The following ZNF367 variants were observed in gnomAD, a reference collection of about 807,000 sequenced individuals.
ZNF367 encodes the protein zinc finger protein 367.
ZNF367 carries 11 observed loss-of-function variants against 31.8 expected under a neutral mutation model. The observed-to-expected ratio is 0.35, with a 90% CI of 0.22 to 0.57. The LOEUF (loss-of-function observed/expected upper bound fraction) is 0.57, where lower values mean the gene tolerates loss of function less well. Among genes scored for constraint, ZNF367 ranks in the 20% least tolerant of loss-of-function variants. ZNF367 has a pLI of 0.85. For missense variants in ZNF367, 353 were observed against 484.1 expected (o/e 0.73, Z 2.54); for synonymous variants, 199 against 202.4 (o/e 0.98, Z 0.14).
Position 96,386,784 on chromosome 9 carries a change from T to C in ZNF367, c.*1453A>G, listed in dbSNP as rs1246700732. 4 of 152,182 alleles carry C rather than the reference T, an allele frequency of 2.6e-5. No individual in the cohort carries two copies. Among genetic ancestry groups the C allele is most frequent in the South Asian group, 2.1e-4 (1 of 4,832 alleles). The allele number at this position is 152,182 out of a possible 1,614,324, so 9.4% of individuals were successfully genotyped here. On this transcript the variant is annotated 3_prime_UTR_variant, in exon 5 of 5. Coordinates refer to ENST00000375256, the MANE Select transcript of ZNF367 (RefSeq NM_153695.4). The stretch of plus-strand genomic sequence containing the variant: ...TAAACTATCTGTGTACTATGACACA[T>C]TGGGATTTTTGGATAAAGAAGCCTA...
chr9:96,399,234 A>G (rs1488660202), intron 1 of ZNF367, among the ~76,000 whole-genome samples: 4 of 152,162 alleles, frequency 2.6e-5, no homozygotes, highest in Non-Finnish European at 5.9e-5. Flanking sequence ...AGGCTACAGT[A>G]GAGTTGTAAA....
intron 4 of ZNF367, among the ~76,000 whole-genome samples, chr9:96,391,415 G>A (rs138967641): frequency 6.6e-6 from 1 of 152,310 alleles, no homozygotes; most frequent in Non-Finnish European, 1.5e-5. Flanking sequence ...AGCCAAGTGG[G>A]GAGTGAGTGC....
At position 96,388,184 on chromosome 9, in the gene ZNF367, T is replaced by G; in HGVS notation, c.*53A>C. 1 of 1,520,748 alleles carries G rather than the reference T, an allele frequency of 6.6e-7. No individual in the cohort carries two copies. The highest frequency in any genetic ancestry group is 8.9e-7 in the Non-Finnish European group (1 of 1,129,312). The allele number at this position is 1,520,748 out of a possible 1,614,324, so 94.2% of individuals were successfully genotyped here. A position where few individuals can be genotyped will look rare whatever the true frequency, so the allele number is the denominator to read the frequency against. On this transcript the variant is annotated 3_prime_UTR_variant, in exon 5 of 5. Transcript: ENST00000375256. ...GCTTAGCTTATGCCCAAGGATCTAC[T>G]TTTTAAGTATGCTGGGCAGTACTTT... is the stretch of plus-strand genomic sequence containing the variant.
rs139137542 is a variant in ZNF367 at position 96,390,646 on chromosome 9, G to A, written c.830+1752C>T. Among the ~76,000 whole-genome samples, 1,081 of 152,176 alleles carry A rather than the reference G, an allele frequency of 7.1e-3. 4 individuals carry two copies. The highest frequency in any genetic ancestry group is 0.01 in the Non-Finnish European group (700 of 68,000). ...TGCCTGTAATCCCAACAGTTTGGGA[G>A]GCCAAGGTGCGAGAATCACTTGAGG... On this transcript the variant is annotated intron_variant, in intron 4 of 4. Coordinates refer to ENST00000375256, the MANE Select transcript of ZNF367 (RefSeq NM_153695.4).
intron 1 of ZNF367, among the ~76,000 whole-genome samples, chr9:96,400,692 A>G (rs991863809): frequency 3.3e-5 from 5 of 152,190 alleles, no homozygotes; most frequent in African/African-American, 7.2e-5. Flanking sequence ...AACAGAGTCT[A>G]AGATGCCTAT....
At chr9:96,413,815 CAG>C (rs1831782857) in intron 1 of ZNF367, among the ~76,000 whole-genome samples, 2 of 152,158 alleles carry the variant, frequency 1.3e-5, no homozygotes, top group Non-Finnish European at 1.5e-5. Flanking sequence ...AAAGCTGACA[CAG>C]GGTGTGCAGG....
intron 1 of ZNF367, among the ~76,000 whole-genome samples, chr9:96,410,461 C>G (rs1386641710): frequency 1.4e-5 from 2 of 144,128 alleles, no homozygotes; most frequent in Non-Finnish European, 3.0e-5. Context: ...ACTCGGGAGG[C>G]TGAGGCAGGA....
chr9:96,388,126 A>T lies in ZNF367; in HGVS notation c.*111T>A. 9.6e-7 allele frequency: 1 copy of T among 1,045,628 alleles called. No individual in the cohort carries two copies. Among genetic ancestry groups the T allele is most frequent in the Non-Finnish European group, 1.4e-6 (1 of 732,830 alleles). 64.8% of individuals were successfully genotyped at this position (1,045,628 alleles called of 1,614,324 possible). ...GCAATAACATTCTTCATAAATTTCT[A>T]CAGAATAGCAGCCTATGATAAGCAA... On this transcript the variant is annotated 3_prime_UTR_variant, in exon 5 of 5. Coordinates refer to ENST00000375256, the MANE Select transcript of ZNF367 (RefSeq NM_153695.4).
intron 1 of ZNF367, among the ~76,000 whole-genome samples, chr9:96,410,131 C>G (rs1241052961): frequency 1.3e-5 from 2 of 151,806 alleles, no homozygotes; most frequent in African/African-American, 2.4e-5. Context: ...GGCGCAGTGG[C>G]GGGCGCCTGT....
In ZNF367 at chr9:96,398,285, T is replaced by C; in HGVS notation, c.450A>G (p.Ala150=). 5 of 1,611,568 alleles carry C rather than the reference T, an allele frequency of 3.1e-6. No homozygotes were observed. The highest frequency in any genetic ancestry group is 4.2e-6 in the Non-Finnish European group (5 of 1,178,942). The change falls in exon 2 of 5, where the codon GCA becomes GCG. Residue 150 remains alanine, a synonymous_variant. Coordinates refer to ENST00000375256, the MANE Select transcript of ZNF367 (RefSeq NM_153695.4). The part of the protein sequence containing the change: ...KDGIRRGRPR[A]DTVRDLINEG... The stretch of plus-strand genomic sequence containing the variant: ...CATTTATTAAATCGCGGACAGTATC[T>C]GCTCTGGGCCTACCACGTCGGATTC...
intron 4 of ZNF367, among the ~76,000 whole-genome samples, chr9:96,391,850 C>T (rs2131070776): frequency 6.6e-6 from 1 of 152,248 alleles, no homozygotes; most frequent in Middle Eastern, 3.4e-3. Flanking sequence ...GCCATCTTGG[C>T]TCACTGCAAC....
At chr9:96,416,568 C>T (rs185641226) in intron 1 of ZNF367, among the ~76,000 whole-genome samples, 1 of 152,180 alleles carries the variant, frequency 6.6e-6, no homozygotes, top group Non-Finnish European at 1.5e-5. Flanking sequence ...TGATCAAACT[C>T]GTTTCAACTT....
intron 1 of ZNF367, among the ~76,000 whole-genome samples, chr9:96,404,412 G>C (rs2131077893): frequency 6.6e-6 from 1 of 151,526 alleles, no homozygotes; most frequent in African/African-American, 2.4e-5. Flanking sequence ...GGCTAACATG[G>C]TGAAACCCCG....
At chr9:96,407,025 AAAAG>A (rs1341408705) in intron 1 of ZNF367, among the ~76,000 whole-genome samples, 13 of 147,768 alleles carry the variant, frequency 8.8e-5, no homozygotes, top group Admixed American at 2.0e-4. Flanking sequence ...AAAAAAAAAA[AAAAG>A]AACGTGGGGG....
intron 3 of ZNF367, among the ~76,000 whole-genome samples, chr9:96,394,049 A>T (rs1441771606): frequency 1.3e-5 from 2 of 152,220 alleles, no homozygotes; most frequent in African/African-American, 4.8e-5. Flanking sequence ...TAAGAAAATC[A>T]CTTAGGATAA....
intron 1 of ZNF367, among the ~76,000 whole-genome samples, chr9:96,409,317 T>C (rs1348779538): frequency 6.6e-6 from 1 of 152,220 alleles, no homozygotes; most frequent in Non-Finnish European, 1.5e-5. Flanking sequence ...GGTTCTACCA[T>C]CTCTGTTTTC....
intron 4 of ZNF367, among the ~76,000 whole-genome samples, chr9:96,391,325 T>C (rs533975402): frequency 1.3e-5 from 2 of 152,312 alleles, no homozygotes; most frequent in South Asian, 4.1e-4. Flanking sequence ...AAGCATCTGT[T>C]AAGTTGGTCC....
chr9:96,398,031 A>G, intron 2 of ZNF367, 133 bp downstream of exon 2: 1 of 808,620 alleles, frequency 1.2e-6, no homozygotes. Flanking sequence ...CGGAGCTTGC[A>G]GTAAGCCAAG....
rs1306239596 is a variant in ZNF367, at chr9:96,388,265, T to C, written c.1025A>G (p.Asn342Ser). 3 of 1,611,658 alleles carry C rather than the reference T, an allele frequency of 1.9e-6. No individual in the cohort carries two copies. The highest frequency in any genetic ancestry group is 2.2e-5 in the East Asian group (1 of 44,884). ...HGALALIELA[N>S]LTGAPLRQ Reference sequence around the variant, plus strand: ...CTGTCGGAGTGGCGCCCCAGTCAGGTTGGCAAGCTCTATGAGCGCGAGGGC... The same window carrying C: ...CTGTCGGAGTGGCGCCCCAGTCAGGCTGGCAAGCTCTATGAGCGCGAGGGC... The change falls in exon 5 of 5, where the codon AAC (asparagine) becomes AGC (serine). Residue 342 changes from asparagine (N) to serine (S), a missense_variant. This residue lies in a region of ZNF367 where 101 missense variants were observed against 140.0 expected (regional missense o/e 0.72). Coordinates refer to ENST00000375256, the MANE Select transcript of ZNF367 (RefSeq NM_153695.4).
Sources: allele counts gnomAD v4.1 joint callset (sites outside exome capture counted in the v4.1 genomes callset), GRCh38; gene constraint gnomAD v4.1.1; regional missense constraint gnomAD v4.1.1; transcripts MANE v1.5; gene names NCBI Gene and HGNC (gene_info 2026-07-23, HGNC 2026-07-21).